RREB1: variants seen among roughly 807,000 people sequenced by gnomAD.
RREB1 encodes the protein ras-responsive element-binding protein 1.
Under a neutral mutation model 117.8 loss-of-function variants are expected in RREB1, and 27 were observed. The observed-to-expected ratio is 0.23, with a 90% CI of 0.17 to 0.32. The LOEUF is 0.32. RREB1 is among the 10% of genes least tolerant of loss of function. RREB1 has a pLI of 1.00. For synonymous variants in RREB1, 1,298 were observed against 1,026.7 expected, an observed-to-expected ratio of 1.26 and a Z score of -5.05; for missense variants, 2,577 against 2,378.2, an observed-to-expected ratio of 1.08 and a Z score of -1.74.
chr6:7,137,553 G>A (rs1174735310), intron 1 of RREB1, among the ~76,000 whole-genome samples: 1 of 152,244 alleles, frequency 6.6e-6, no homozygotes, highest in African/African-American at 2.4e-5. Flanking sequence ...TAAGAAGCCA[G>A]ATGCTAAGAT....
chr6:7,107,806 A>G (rs1473565442), upstream of RREB1: 1 of 152,058 alleles, frequency 6.6e-6, no homozygotes, highest in African/African-American at 2.4e-5. Context: ...CGTGCGGGCG[A>G]GGAAGCTGGG....
In RREB1 at chr6:7,108,015, CG is replaced by C. The variant is rs1760910477; in HGVS notation, c.-328del. On this transcript the variant is annotated 5_prime_UTR_variant, in exon 1 of 13. Transcript: ENST00000379938. ...TCCTCGGTCTCTCCCTGAAGCCCAC[CG>C]GTCCCCAACGCATCATGCCAGGGAG... 6.6e-6 allele frequency: 1 copy of C among 152,268 alleles called. No individual in the cohort carries two copies. The highest frequency in any genetic ancestry group is 2.4e-5 in the African/African-American group (1 of 41,462). The allele number at this position is 152,268 out of a possible 1,614,324, so 9.4% of individuals were successfully genotyped here.
At chr6:7,166,282 G>T (rs1403999172) in intron 1 of RREB1, among the ~76,000 whole-genome samples, 1 of 152,212 alleles carries the variant, frequency 6.6e-6, no homozygotes, top group African/African-American at 2.4e-5. Context: ...CATCCTGCCT[G>T]CTAGTCATTT....
At chr6:7,215,456 G>C (rs1289919037) in intron 8 of RREB1, 1 of 152,128 alleles carries the variant, frequency 6.6e-6, no homozygotes, top group Non-Finnish European at 1.5e-5. Flanking sequence ...TTCCACCTCA[G>C]CCTCCCAAGT....
intron 8 of RREB1, chr6:7,216,019 A>G (rs1348495376): frequency 6.6e-6 from 1 of 152,266 alleles, no homozygotes; most frequent in Non-Finnish European, 1.5e-5. Flanking sequence ...AAACTCGGCC[A>G]AAGTTATTGT....
Position 7,240,425 on chromosome 6 carries a change from T to C in RREB1, c.3809-13T>C. 1.3e-6 allele frequency: 2 copies of C among 1,599,972 alleles called. No homozygotes were observed. The highest frequency in any genetic ancestry group is 1.7e-6 in the Non-Finnish European group (2 of 1,172,988). ...GAAAGCCAGATAAATATATATTTTT[T>C]TTCCTGCTTCAGGTCAGAAACCCTT... On this transcript the variant is annotated splice_polypyrimidine_tract_variant and intron_variant, in intron 10 of 12. Coordinates refer to ENST00000379938, the MANE Select transcript of RREB1 (RefSeq NM_001003699.4).
At chr6:7,187,561 T>TTTTAG (rs1250321330) in intron 5 of RREB1, 38 bp downstream of exon 5, 11 of 798,642 alleles carry the variant, frequency 1.4e-5, no homozygotes, top group Admixed American at 8.3e-5. Flanking sequence ...TTTTATTTTA[T>TTTTAG]TTTATTTTAT....
At position 7,248,995 on chromosome 6, in the gene RREB1, A is replaced by G. The variant is rs757480250; in HGVS notation, c.*27A>G. On this transcript the variant is annotated 3_prime_UTR_variant, in exon 13 of 13. Coordinates refer to ENST00000379938, the MANE Select transcript of RREB1 (RefSeq NM_001003699.4). The stretch of plus-strand genomic sequence containing the variant: ...AGCCTCAGTCCCCCTCAGCACAGAC[A>G]AAAGCCAGCAGAGCAAAGCGTCTAT... 1.4e-4 allele frequency: 208 copies of G among 1,442,246 alleles called. No individual in the cohort carries two copies. Among genetic ancestry groups the G allele is most frequent in the Middle Eastern group, 7.6e-4 (3 of 3,966 alleles). 89.3% of individuals were successfully genotyped at this position (1,442,246 alleles called of 1,614,324 possible). A position where few individuals can be genotyped will look rare whatever the true frequency, so the allele number is the denominator to read the frequency against.
At chr6:7,219,709 C>T (rs766398822) in intron 8 of RREB1, among the ~76,000 whole-genome samples, 30 of 152,168 alleles carry the variant, frequency 2.0e-4, no homozygotes, top group Non-Finnish European at 3.7e-4. Flanking sequence ...TCACTGACAA[C>T]CACAGGCACT....
At chr6:7,150,866 C>T (rs747599491) in intron 1 of RREB1, among the ~76,000 whole-genome samples, 11 of 152,198 alleles carry the variant, frequency 7.2e-5, no homozygotes, top group Non-Finnish European at 1.5e-4. Flanking sequence ...TTGTAACATC[C>T]GCCGGGTAGG....
At chr6:7,196,184 C>A (rs1366610869) in intron 6 of RREB1, among the ~76,000 whole-genome samples, 1 of 151,818 alleles carries the variant, frequency 6.6e-6, no homozygotes, top group Non-Finnish European at 1.5e-5. Flanking sequence ...CTGGGCTCCA[C>A]CCCAAAGTTC....
chr6:7,192,859 G>C (rs1483973966), intron 6 of RREB1, among the ~76,000 whole-genome samples: 1 of 152,128 alleles, frequency 6.6e-6, no homozygotes, highest in African/African-American at 2.4e-5. Flanking sequence ...TTTTTCCGGT[G>C]TTATAGCAAA....
At chr6:7,242,764 G>A (rs977128571) in intron 11 of RREB1, among the ~76,000 whole-genome samples, 1 of 151,618 alleles carries the variant, frequency 6.6e-6, no homozygotes, top group African/African-American at 2.4e-5. Context: ...GTATGCCTAG[G>A]TGGCATTTTC....
intron 4 of RREB1, 82 bp from the exon 5 acceptor site, chr6:7,187,352 C>T: frequency 3.7e-6 from 3 of 821,522 alleles, no homozygotes; most frequent in Non-Finnish European, 6.1e-6. Flanking sequence ...GACACAAGTG[C>T]TTATTACACT....
intron 1 of RREB1, among the ~76,000 whole-genome samples, chr6:7,141,787 G>A (rs759529170): frequency 6.6e-6 from 1 of 152,256 alleles, no homozygotes; most frequent in Non-Finnish European, 1.5e-5. Context: ...TGGAAGGAGC[G>A]GGGCGTGTGT....
intron 8 of RREB1, chr6:7,217,148 C>T (rs1447068958): frequency 6.6e-6 from 1 of 152,374 alleles, no homozygotes; most frequent in Non-Finnish European, 1.5e-5. Flanking sequence ...TGTCAGTTCT[C>T]TGCCCCGAGA....
At chr6:7,196,393 T>C (rs1765679511) in intron 6 of RREB1, among the ~76,000 whole-genome samples, 1 of 152,096 alleles carries the variant, frequency 6.6e-6, no homozygotes, top group African/African-American at 2.4e-5. Flanking sequence ...ATTTGTTAGT[T>C]ATCTGTATTT....
At chr6:7,149,345 C>T (rs557885194) in intron 1 of RREB1, among the ~76,000 whole-genome samples, 29 of 152,196 alleles carry the variant, frequency 1.9e-4, no homozygotes, top group Admixed American at 1.9e-3. Flanking sequence ...TCATAGACAT[C>T]CTGGAAAACA....
At chr6:7,114,380 T>C (rs1445914393) in intron 1 of RREB1, among the ~76,000 whole-genome samples, 1 of 151,888 alleles carries the variant, frequency 6.6e-6, no homozygotes, top group Non-Finnish European at 1.5e-5. Context: ...GCTTGGGGCT[T>C]ACTCTTTGAA....
Sources: gnomAD v4.1 joint callset for allele counts (sites outside exome capture counted in the v4.1 genomes callset) on GRCh38, gnomAD v4.1.1 for gene constraint, MANE v1.5 for transcripts, NCBI Gene and HGNC (gene_info 2026-07-23, HGNC 2026-07-21) for gene names.